The following NUDC variants were observed in gnomAD, a reference collection of about 807,000 sequenced individuals.
NUDC encodes nuclear migration protein nudC.
A neutral mutation model predicts 45.0 loss-of-function variants in NUDC; 14 were observed. The observed-to-expected ratio is 0.31, with a 90% CI of 0.21 to 0.49. The LOEUF (loss-of-function observed/expected upper bound fraction) is 0.49, where lower values mean the gene tolerates loss of function less well. Ranked by LOEUF, NUDC falls within the 20% of genes least tolerant of loss-of-function variation. The probability of loss-of-function intolerance (pLI) is 0.99; values close to 1 mark genes in which losing one functional copy is unlikely to be tolerated. For synonymous variants in NUDC, 153 were observed against 156.7 expected, an observed-to-expected ratio of 0.98 and a Z score of 0.17; for missense variants, 323 against 426.2, an observed-to-expected ratio of 0.76 and a Z score of 2.13.
At chr1:26,922,574 G>T (rs2082100463) in intron 1 of NUDC, 1 of 152,618 alleles carries the variant, frequency 6.6e-6, no homozygotes, top group African/African-American at 2.4e-5. Flanking sequence ...GACAATAAGG[G>T]CCAACTGTTA....
Position 26,945,081 on chromosome 1 carries a change from T to C in NUDC, c.742-309T>C, listed in dbSNP as rs142286227. On this transcript the variant is annotated intron_variant, in intron 6 of 8. Coordinates refer to ENST00000321265, the MANE Select transcript of NUDC (RefSeq NM_006600.4). ...ATTTATTTTCTTCCCATTTTAAATC[T>C]GGAATACTGCTTTGTGTCTTAAGAC... The C allele has an allele frequency of 2.0e-3, 904 of 446,734 alleles. 7 individuals are homozygous for C. Among genetic ancestry groups the C allele is most frequent in the African/African-American group, 0.015 (780 of 51,230 alleles). 27.7% of individuals were successfully genotyped at this position (446,734 alleles called of 1,614,324 possible).
intron 2 of NUDC, among the ~76,000 whole-genome samples, chr1:26,909,329 G>C (rs1437083474): frequency 6.6e-6 from 1 of 152,092 alleles, no homozygotes; most frequent in East Asian, 1.9e-4. Flanking sequence ...CATTGCCCAG[G>C]CTGATCTTGA....
intron 6 of NUDC, 57 bp downstream of exon 6, chr1:26,943,122 G>A (rs926634344): frequency 6.3e-7 from 1 of 1,575,010 alleles, no homozygotes; most frequent in African/African-American, 1.3e-5. Flanking sequence ...AAGGGAGGAT[G>A]TGTGCTTAGT....
chr1:26,920,216 G>A (rs558957670), upstream of NUDC, among the ~76,000 whole-genome samples: 12 of 152,314 alleles, frequency 7.9e-5, no homozygotes, highest in African/African-American at 2.2e-4. Context: ...CAGGCCGGGC[G>A]CAGTGGCTCA....
chr1:26,926,644 G>T (rs1317377549), intron 2 of NUDC, among the ~76,000 whole-genome samples: 1 of 151,460 alleles, frequency 6.6e-6, no homozygotes, highest in Non-Finnish European at 1.5e-5. Context: ...TTGTTGCCCA[G>T]TCTGGAGTGC....
rs564618558 is a variant in NUDC, at chr1:26,927,744, T to C, written c.159+3578T>C. On this transcript the variant is annotated intron_variant, in intron 2 of 8. Coordinates refer to ENST00000321265, the MANE Select transcript of NUDC (RefSeq NM_006600.4). ...GGGAGCAGTCCTTACCTTACAAGGA[T>C]GTTACGAGGATTTAAAAAAAGGCAA... is the stretch of plus-strand genomic sequence containing the variant. Among the ~76,000 whole-genome samples the C allele has an allele frequency of 2.3e-4, 35 of 152,100 alleles. No homozygotes were observed. In the South Asian group the frequency reaches 7.3e-3, roughly 32 times the overall value.
intron 2 of NUDC, among the ~76,000 whole-genome samples, chr1:26,937,191 T>C (rs2082242034): frequency 6.6e-6 from 1 of 152,212 alleles, no homozygotes; most frequent in South Asian, 2.1e-4. Flanking sequence ...GGAGCCTCCG[T>C]ACCCTCTCTG....
chr1:26,944,501 C>A (rs1047057718), intron 6 of NUDC, among the ~76,000 whole-genome samples: 22 of 152,122 alleles, frequency 1.4e-4, no homozygotes. Flanking sequence ...CCTGGCACTT[C>A]CCTGCTTAAA....
chr1:26,920,769 CAAAAAACAAAAAAAAA>C (rs1179381546), upstream of NUDC, among the ~76,000 whole-genome samples: 2 of 137,546 alleles, frequency 1.5e-5, no homozygotes, highest in African/African-American at 5.5e-5. Context: ...AAACAAAAAA[CAAAAAACAAAAAAAAA>C]AAAACAGCAG....
chr1:26,913,780 C>T (rs765631987), intron 3 of NUDC: 29 of 1,558,000 alleles, frequency 1.9e-5, no homozygotes, highest in South Asian at 4.9e-5. Context: ...CCGGCAGGTG[C>T]GATGAGGTGC....
At chr1:26,910,583 G>C (rs554683811) in intron 2 of NUDC, among the ~76,000 whole-genome samples, 1 of 152,170 alleles carries the variant, frequency 6.6e-6, no homozygotes, top group Non-Finnish European at 1.5e-5. Flanking sequence ...CCTGTGACAA[G>C]AATCCAAACT....
chr1:26,927,632 G>A (rs1187393831), intron 2 of NUDC, among the ~76,000 whole-genome samples: 1 of 151,804 alleles, frequency 6.6e-6, no homozygotes, highest in African/African-American at 2.4e-5. Context: ...TCCTGAGCTC[G>A]TGATCTGCCC....
chr1:26,941,603 C>T lies in NUDC; in HGVS notation c.306C>T (p.Pro102=), dbSNP rs140191798. 4.3e-5 allele frequency: 70 copies of T among 1,612,412 alleles called. No homozygotes were observed. Among genetic ancestry groups the T allele is most frequent in the Non-Finnish European group, 5.9e-5 (69 of 1,179,352 alleles). ...AAGCCAAGTCAGAGACCTCAGGGCC[C>T]CAGATCAAGGAGCTAACTGATGAAG... ...AKEAKSETSG[P]QIKELTDEEA... The change falls in exon 3 of 9, where the codon CCC becomes CCT. Residue 102 remains proline, a synonymous_variant. Coordinates refer to ENST00000321265, the MANE Select transcript of NUDC (RefSeq NM_006600.4).
At chr1:26,940,586 C>G (rs1321146007) in intron 2 of NUDC, among the ~76,000 whole-genome samples, 3 of 152,154 alleles carry the variant, frequency 2.0e-5, no homozygotes, top group Non-Finnish European at 4.4e-5. Flanking sequence ...ACAGGATGCA[C>G]TAAGAGTAAG....
intron 4 of NUDC, 95 bp from the exon 5 acceptor site, chr1:26,942,565 G>C: frequency 6.4e-7 from 1 of 1,565,982 alleles, no homozygotes; most frequent in Non-Finnish European, 8.8e-7. Context: ...TTTTGTGGCT[G>C]TATGCCCAGT....
chr1:26,938,997 C>G (rs1382559276), intron 2 of NUDC, among the ~76,000 whole-genome samples: 4 of 152,072 alleles, frequency 2.6e-5, no homozygotes, highest in African/African-American at 9.7e-5. Context: ...CAACACATGC[C>G]AAGATTGCTT....
chr1:26,944,075 T>A (rs2082300194), intron 6 of NUDC, among the ~76,000 whole-genome samples: 1 of 151,948 alleles, frequency 6.6e-6, no homozygotes, highest in Non-Finnish European at 1.5e-5. Flanking sequence ...TTCTATTTTT[T>A]AGTAGAGACA....
intron 2 of NUDC, chr1:26,929,672 A>G (rs780629917): frequency 7.3e-6 from 3 of 409,784 alleles, no homozygotes; most frequent in African/African-American, 6.1e-5. Context: ...AATTGAAGGC[A>G]TATTTTTTGA....
intron 2 of NUDC, among the ~76,000 whole-genome samples, chr1:26,910,144 G>C (rs1263338979): frequency 6.6e-6 from 1 of 152,176 alleles, no homozygotes; most frequent in Non-Finnish European, 1.5e-5. Flanking sequence ...CCCACCCTCA[G>C]GTGCAAGGGT....
Sources: allele counts gnomAD v4.1 joint callset (sites outside exome capture counted in the v4.1 genomes callset), GRCh38; gene constraint gnomAD v4.1.1; transcripts MANE v1.5; gene names NCBI Gene and HGNC (gene_info 2026-07-23, HGNC 2026-07-21).